Variants in PTPRO observed in about 807,000 individuals in gnomAD.
PTPRO encodes receptor-type tyrosine-protein phosphatase O.
PTPRO carries 62 observed loss-of-function variants against 145.2 expected under a neutral mutation model. The ratio of observed to expected loss-of-function variants is 0.43; its 90% CI spans 0.35 to 0.53. The LOEUF (loss-of-function observed/expected upper bound fraction) is 0.53. Among genes scored for constraint, PTPRO ranks in the 20% least tolerant of loss-of-function variants. The probability of loss-of-function intolerance (pLI) is 0.01; values close to 1 mark genes in which losing one functional copy is unlikely to be tolerated. For missense variants in PTPRO, 1,345 were observed against 1,482.7 expected, an observed-to-expected ratio of 0.91 and a Z score of 1.53; for synonymous variants, 565 against 514.7, an observed-to-expected ratio of 1.10 and a Z score of -1.32.
At position 15,549,135 on chromosome 12, in the gene PTPRO, C is replaced by G. The variant is rs1339655592; in HGVS notation, c.2346C>G (p.Ser782Arg). ...AVSSHVVTISSLLPATAYNCS... is the reference protein window; with the variant it reads ...AVSSHVVTISRLLPATAYNCS... Reference sequence around the variant, plus strand: ...CTTCCCATGTCGTGACCATCTCCAGCCTTCTTCCTGCCACTGCCTACAATT... The same window carrying G: ...CTTCCCATGTCGTGACCATCTCCAGGCTTCTTCCTGCCACTGCCTACAATT... The change falls in exon 14 of 27, where the codon AGC becomes AGG. Residue 782 changes from serine to arginine, a missense_variant. By Grantham distance (110) the Ser-to-Arg change is moderately radical (BLOSUM62 -1). This residue lies in a region of PTPRO where 1,130 missense variants were observed against 1,214.7 expected (regional missense o/e 0.93). Coordinates refer to ENST00000281171, the MANE Select transcript of PTPRO (RefSeq NM_030667.3). 1.2e-6 allele frequency: 2 copies of G among 1,613,434 alleles called. No homozygotes were observed. The highest frequency in any genetic ancestry group is 1.7e-6 in the Non-Finnish European group (2 of 1,179,682).
chr12:15,428,312 T>C (rs1020930557), intron 1 of PTPRO, among the ~76,000 whole-genome samples: 4 of 152,184 alleles, frequency 2.6e-5, no homozygotes, highest in Non-Finnish European at 5.9e-5. Context: ...CTTAGCACTC[T>C]CGTTGTCTGT....
At chr12:15,372,078 G>C (rs1938547779) in intron 1 of PTPRO, among the ~76,000 whole-genome samples, 1 of 152,026 alleles carries the variant, frequency 6.6e-6, no homozygotes, top group Non-Finnish European at 1.5e-5. Context: ...GTCTTTGAAG[G>C]CAATTTTACT....
chr12:15,552,795 C>CTTTT (rs747379253), intron 15 of PTPRO, among the ~76,000 whole-genome samples: 1,191 of 91,532 alleles, frequency 0.013, 52 homozygotes, highest in South Asian at 0.021. Context: ...GAGGTCAAAT[C>CTTTT]TTTTTTTTTT....
At chr12:15,353,624 G>T (rs1008875316) in intron 1 of PTPRO, among the ~76,000 whole-genome samples, 7 of 152,162 alleles carry the variant, frequency 4.6e-5, no homozygotes, top group Admixed American at 4.6e-4. Context: ...TTGTCATGAT[G>T]AAGCTTTCCT....
chr12:15,372,006 A>G (rs1009088369), intron 1 of PTPRO, among the ~76,000 whole-genome samples: 2 of 152,202 alleles, frequency 1.3e-5, no homozygotes, highest in Non-Finnish European at 2.9e-5. Flanking sequence ...GCCCAGTCTC[A>G]GGCAGTTATT....
chr12:15,345,956 A>G (rs1208168552), intron 1 of PTPRO, among the ~76,000 whole-genome samples: 6 of 152,214 alleles, frequency 3.9e-5, no homozygotes, highest in South Asian at 4.1e-4. Context: ...AGCCTCTCTC[A>G]TAAGTTTTAT....
chr12:15,355,508 T>C (rs1165993024), intron 1 of PTPRO, among the ~76,000 whole-genome samples: 1 of 145,050 alleles, frequency 6.9e-6, no homozygotes, highest in African/African-American at 2.5e-5. Flanking sequence ...TGGTGAGGCC[T>C]TTCCTGAAAA....
intron 2 of PTPRO, among the ~76,000 whole-genome samples, chr12:15,489,289 G>A (rs1049670323): frequency 6.6e-6 from 1 of 152,058 alleles, no homozygotes; most frequent in Non-Finnish European, 1.5e-5. Context: ...AGAATTCAGG[G>A]CGAGTGCACA....
At chr12:15,566,735 G>C (rs781665981) in intron 18 of PTPRO, among the ~76,000 whole-genome samples, 1 of 152,044 alleles carries the variant, frequency 6.6e-6, no homozygotes, top group Non-Finnish European at 1.5e-5. Flanking sequence ...TGGTCAGACT[G>C]GTCTCGAACT....
intron 7 of PTPRO, among the ~76,000 whole-genome samples, chr12:15,512,346 C>T (rs1229115922): frequency 6.6e-6 from 1 of 151,810 alleles, no homozygotes; most frequent in Non-Finnish European, 1.5e-5. Flanking sequence ...AACTCCCAAC[C>T]TCAGGTGATC....
chr12:15,508,383 C>T (rs1942366704), intron 6 of PTPRO, among the ~76,000 whole-genome samples, 188 bp from the exon 7 acceptor site: 1 of 152,134 alleles, frequency 6.6e-6, no homozygotes, highest in South Asian at 2.1e-4. Flanking sequence ...CTGTTTAGAT[C>T]AAGGTGAGGT....
intron 12 of PTPRO, among the ~76,000 whole-genome samples, chr12:15,534,823 A>G (rs1250047121): frequency 6.6e-6 from 1 of 152,228 alleles, no homozygotes; most frequent in Non-Finnish European, 1.5e-5. Context: ...GAAAGGGATT[A>G]TTGTATCAAC....
Position 15,515,512 on chromosome 12 carries a change from A to G in PTPRO, c.1479A>G (p.Lys493=). The G allele has an allele frequency of 2.5e-6, 4 of 1,613,900 alleles. No homozygotes were observed. Among genetic ancestry groups the G allele is most frequent in the Non-Finnish European group, 3.4e-6 (4 of 1,179,896 alleles). Residue 493 remains lysine, a synonymous_variant, in exon 8 of 27, where the codon AAA becomes AAG. Transcript: ENST00000281171. ...KQYCTQVNSS[K]PIIENLVPGA... ...TTGGTTTAAAGGTGAACTCAAGCAA[A>G]CCTATTATTGAAAATCTGGTTCCTG...
At chr12:15,441,815 C>G (rs1057089432) in intron 1 of PTPRO, among the ~76,000 whole-genome samples, 1 of 152,018 alleles carries the variant, frequency 6.6e-6, no homozygotes, top group African/African-American at 2.4e-5. Flanking sequence ...GAAATTGAAA[C>G]ATTGAACAGA....
chr12:15,580,953 A>G (rs1565443804), intron 22 of PTPRO, 122 bp downstream of exon 22: 1 of 1,352,998 alleles, frequency 7.4e-7, no homozygotes, highest in Non-Finnish European at 1.0e-6. Context: ...TAAATTTAAA[A>G]CATTGTATTC....
At chr12:15,441,023 G>T (rs942803632) in intron 1 of PTPRO, among the ~76,000 whole-genome samples, 3 of 152,016 alleles carry the variant, frequency 2.0e-5, no homozygotes, top group Admixed American at 2.0e-4. Context: ...CCTAATGAAG[G>T]TCTAGAAAAC....
At chr12:15,360,548 A>G (rs1013188678) in intron 1 of PTPRO, among the ~76,000 whole-genome samples, 1 of 152,100 alleles carries the variant, frequency 6.6e-6, no homozygotes. Context: ...CTCAGCACCC[A>G]AGTACGGTTT....
At chr12:15,589,385 A>G in intron 24 of PTPRO, 70 bp from the exon 25 acceptor site, 2 of 1,606,848 alleles carry the variant, frequency 1.2e-6, no homozygotes, top group Non-Finnish European at 1.7e-6. Context: ...CAAAGAAAAA[A>G]AAAAAAAGAG....
At chr12:15,377,034 T>C (rs1264306906) in intron 1 of PTPRO, among the ~76,000 whole-genome samples, 5 of 152,178 alleles carry the variant, frequency 3.3e-5, no homozygotes, top group Non-Finnish European at 4.4e-5. Flanking sequence ...AAAGATGTAA[T>C]TTCTATGAAA....
Sources: allele counts gnomAD v4.1 joint callset (sites outside exome capture counted in the v4.1 genomes callset), GRCh38; gene constraint gnomAD v4.1.1; regional missense constraint gnomAD v4.1.1; transcripts MANE v1.5; gene names NCBI Gene and HGNC (gene_info 2026-07-23, HGNC 2026-07-21).